The following ERCC6L variants were observed in gnomAD, a reference collection of about 807,000 sequenced individuals.
ERCC6L encodes the protein ERCC excision repair 6 like, spindle assembly checkpoint helicase.
Under a neutral mutation model 20.1 loss-of-function variants are expected in ERCC6L, and 7 were observed. That is an observed-to-expected ratio of 0.35 (90% confidence interval 0.20 to 0.65). The LOEUF is 0.65. Among genes scored for constraint, ERCC6L ranks in the 30% least tolerant of loss-of-function variants. The probability of loss-of-function intolerance (pLI) is 0.69; values close to 1 mark genes in which losing one functional copy is unlikely to be tolerated. For synonymous variants in ERCC6L, 278 were observed against 331.3 expected (o/e 0.84, Z 1.75); for missense variants, 592 against 892.4 (o/e 0.66, Z 4.29).
At position 72,206,059 on chromosome X, in the gene ERCC6L, T is replaced by C; in HGVS notation, c.2708A>G (p.Asn903Ser). 1 of 1,211,394 alleles carries C rather than the reference T, an allele frequency of 8.3e-7. No homozygotes were observed. Residue 903 changes from asparagine to serine, a missense_variant, in exon 2 of 2, where the codon AAT becomes AGT. This residue lies in a region of ERCC6L where 352 missense variants were observed against 402.6 expected (regional missense o/e 0.87). Coordinates refer to ENST00000334463, the MANE Select transcript of ERCC6L (RefSeq NM_017669.4). ...CNPWPIISIT[N>S]ESQNAESNVS... ...ATTTGATTCTGCATTTTGACTTTCA[T>C]TTGTTATGGAAATAATGGGCCAAGG...
chrX:72,210,566 C>G (rs2042848354), intron 1 of ERCC6L, among the ~76,000 whole-genome samples: 1 of 111,540 alleles, frequency 9.0e-6, no homozygotes, highest in Non-Finnish European at 1.9e-5. Context: ...CCTATGAAAC[C>G]TGGGGTTCTG....
In ERCC6L at chrX:72,205,258, T is replaced by G; in HGVS notation, c.3509A>C (p.Gln1170Pro). Residue 1170 changes from glutamine (Q) to proline (P), a missense_variant, in exon 2 of 2, where the codon CAA becomes CCA. Gln to Pro is a moderately conservative substitution (Grantham distance 76). Around this residue, in one of 3 missense-constraint regions of ERCC6L, gnomAD observed 352 missense variants for 402.6 expected, o/e 0.87. Coordinates refer to ENST00000334463, the MANE Select transcript of ERCC6L (RefSeq NM_017669.4). ...CTCAGGGGCACCAAGAGAGGTCTCT[T>G]GAGCTAGAGCACTAGGCTTAGACGT... is the stretch of plus-strand genomic sequence containing the variant. ...LMTSKPSALAQETSLGAPEPL... is the reference protein window; with the variant it reads ...LMTSKPSALAPETSLGAPEPL... 1 of 1,212,011 alleles carries G rather than the reference T, an allele frequency of 8.3e-7. No homozygotes were observed.
At chrX:72,238,804 C>T (rs780450392) in intron 1 of ERCC6L, 40 bp downstream of exon 1, 2 of 1,147,340 alleles carry the variant, frequency 1.7e-6, no homozygotes, top group Admixed American at 2.5e-5. Context: ...CACCCTGGGC[C>T]AGGTCGGTTA....
At position 72,208,559 on chromosome X, in the gene ERCC6L, A is replaced by G. The variant is rs146213399; in HGVS notation, c.208T>C (p.Leu70=). The G allele has an allele frequency of 8.3e-7, 1 of 1,209,800 alleles. No individual in the cohort carries two copies. The highest frequency in any genetic ancestry group is 1.8e-5 in the South Asian group (1 of 56,839). ...AATTCATCATCTCCCTGTTCTGCCAACTCCTCCAAGGCTTCCTGTATTTTT... is the reference window on the plus strand; with the variant it reads ...AATTCATCATCTCCCTGTTCTGCCAGCTCCTCCAAGGCTTCCTGTATTTTT... ...IQKIQEALEE[L]AEQGDDEFTD... The change falls in exon 2 of 2, where the codon TTG becomes CTG. Residue 70 remains leucine, a synonymous_variant. Coordinates refer to ENST00000334463, the MANE Select transcript of ERCC6L (RefSeq NM_017669.4).
intron 1 of ERCC6L, among the ~76,000 whole-genome samples, chrX:72,219,618 C>T (rs770598151): frequency 3.6e-5 from 4 of 110,002 alleles, no homozygotes; most frequent in Admixed American, 2.9e-4. Context: ...GAGGCCAAGG[C>T]GGGCAGATCA....
At chrX:72,229,934 T>C (rs951688708) in intron 1 of ERCC6L, among the ~76,000 whole-genome samples, 6 of 111,553 alleles carry the variant, frequency 5.4e-5, no homozygotes, top group African/African-American at 2.0e-4. Flanking sequence ...GGCTCACGCC[T>C]GTAATCCCAG....
In ERCC6L at chrX:72,205,705, C is replaced by T. The variant is rs1029564947; in HGVS notation, c.3062G>A (p.Ser1021Asn). 1 of 1,210,324 alleles carries T rather than the reference C, an allele frequency of 8.3e-7. No homozygotes were observed. The highest frequency in any genetic ancestry group is 1.7e-5 in the African/African-American group (1 of 57,407). Residue 1021 changes from serine to asparagine, a missense_variant, in exon 2 of 2, where the codon AGT (serine) becomes AAT (asparagine). Coordinates refer to ENST00000334463, the MANE Select transcript of ERCC6L (RefSeq NM_017669.4). ...ATCTGAAACAATCCTTCTAGCTTTA[C>T]TTCTGATTTTTGCTTTAACTACTAC... is the stretch of plus-strand genomic sequence containing the variant. ...EEVVVKAKIR[S>N]KARRIVSDGE...
intron 1 of ERCC6L, among the ~76,000 whole-genome samples, chrX:72,211,682 G>A (rs2042854942): frequency 9.0e-6 from 1 of 110,965 alleles, no homozygotes; most frequent in Non-Finnish European, 1.9e-5. Flanking sequence ...TATTCAGGAG[G>A]CTGAGGCAAG....
At chrX:72,212,809 G>GTGGC (rs1399996837) in intron 1 of ERCC6L, among the ~76,000 whole-genome samples, 1 of 111,312 alleles carries the variant, frequency 9.0e-6, no homozygotes, top group Non-Finnish European at 1.9e-5. Flanking sequence ...GCCGGGTTTG[G>GTGGC]TGGCATGCGC....
chrX:72,206,066 T>A lies in ERCC6L; in HGVS notation c.2701A>T (p.Ile901Leu), dbSNP rs1174001109. Residue 901 changes from isoleucine to leucine, a missense_variant, in exon 2 of 2, where the codon ATA (isoleucine) becomes TTA (leucine). By Grantham distance (5) the Ile-to-Leu change is conservative (BLOSUM62 2). This residue lies in a region of ERCC6L where 352 missense variants were observed against 402.6 expected (regional missense o/e 0.87). Transcript: ENST00000334463. ...TCTGCATTTTGACTTTCATTTGTTA[T>A]GGAAATAATGGGCCAAGGATTGCAA... The part of the protein sequence containing the change: ...RHCNPWPIIS[I>L]TNESQNAESN... 8.3e-7 allele frequency: 1 copy of A among 1,209,490 alleles called. No homozygotes were observed. The highest frequency in any genetic ancestry group is 1.1e-6 in the Non-Finnish European group (1 of 894,772).
rs766957250 is a variant in ERCC6L at position 72,226,141 on chromosome X, C to T, written c.68+12703G>A. Among the ~76,000 whole-genome samples the T allele has an allele frequency of 3.6e-5, 4 of 111,838 alleles. No individual in the cohort carries two copies. In the Admixed American group the frequency reaches 3.8e-4, roughly 11 times the overall value. On this transcript the variant is annotated intron_variant, in intron 1 of 1. Transcript: ENST00000334463. ...CATAGATGCTCCCCCCTTAATCCTG[C>T]CACTCTTTTGCCTTCAGGACCAATT...
chrX:72,220,509 A>C (rs1222948686), intron 1 of ERCC6L, among the ~76,000 whole-genome samples: 2 of 111,437 alleles, frequency 1.8e-5, no homozygotes, highest in African/African-American at 6.5e-5. Context: ...ATAAACCACA[A>C]TTAACATCTC....
rs775667202 is a variant in ERCC6L, at chrX:72,205,991, T to G, written c.2776A>C (p.Ser926Arg). 1.7e-6 allele frequency: 2 copies of G among 1,211,832 alleles called. No individual in the cohort carries two copies. Among genetic ancestry groups the G allele is most frequent in the East Asian group, 3.0e-5 (1 of 33,844 alleles). The change falls in exon 2 of 2, where the codon AGT (serine) becomes CGT (arginine). Residue 926 changes from serine to arginine, a missense_variant. This residue lies in a region of ERCC6L where 352 missense variants were observed against 402.6 expected (regional missense o/e 0.87). Coordinates refer to ENST00000334463, the MANE Select transcript of ERCC6L (RefSeq NM_017669.4). ...CTTGCTTGAGCATCCTGCAGTGCAC[T>G]ATGGGATGCTGAAAGGTCATCAGCT... is the stretch of plus-strand genomic sequence containing the variant. The part of the protein sequence containing the change: ...EIADDLSASH[S>R]ALQDAQASEA...
In ERCC6L at chrX:72,206,693, C is replaced by G; in HGVS notation, c.2074G>C (p.Glu692Gln). 11 of 1,211,334 alleles carry G rather than the reference C, an allele frequency of 9.1e-6. No homozygotes were observed. The highest frequency in any genetic ancestry group is 1.2e-5 in the Non-Finnish European group (11 of 895,292). The change falls in exon 2 of 2, where the codon GAA becomes CAA. Residue 692 changes from glutamate to glutamine, a missense_variant. Physicochemically the swap from Glu to Gln is conservative, Grantham distance 29. This residue lies in a region of ERCC6L where 352 missense variants were observed against 402.6 expected (regional missense o/e 0.87). Transcript: ENST00000334463. Reference protein sequence around the residue: ...LSVKEELDVVEESHYIQQRVQ... With the variant: ...LSVKEELDVVQESHYIQQRVQ... ...CTTTGTTGAATATAGTGAGATTCTT[C>G]TACCACATCAAGCTCTTCTTTAACA...
At chrX:72,212,757 A>C (rs1215264965) in intron 1 of ERCC6L, among the ~76,000 whole-genome samples, 1 of 111,920 alleles carries the variant, frequency 8.9e-6, no homozygotes, top group Non-Finnish European at 1.9e-5. Context: ...CCTGGGCAAC[A>C]TAGTGAAGCC....
At chrX:72,217,881 T>C (rs1188777926) in intron 1 of ERCC6L, among the ~76,000 whole-genome samples, 2 of 112,164 alleles carry the variant, frequency 1.8e-5, no homozygotes, top group African/African-American at 6.5e-5. Flanking sequence ...CTTATGCAAG[T>C]ACCACACTGT....
At chrX:72,231,994 G>A (rs758626672) in intron 1 of ERCC6L, among the ~76,000 whole-genome samples, 94 of 107,409 alleles carry the variant, frequency 8.8e-4, no homozygotes, top group Non-Finnish European at 1.6e-3. Flanking sequence ...CAGAAAGATC[G>A]TTTGAGTCCA....
At position 72,206,069 on chromosome X, in the gene ERCC6L, A is replaced by G; in HGVS notation, c.2698T>C (p.Ser900Pro). Residue 900 changes from serine (S) to proline (P), a missense_variant, in exon 2 of 2, where the codon TCC becomes CCC. Around this residue, in one of 3 missense-constraint regions of ERCC6L, gnomAD observed 352 missense variants for 402.6 expected, o/e 0.87. Coordinates refer to ENST00000334463, the MANE Select transcript of ERCC6L (RefSeq NM_017669.4). ...GCATTTTGACTTTCATTTGTTATGG[A>G]AATAATGGGCCAAGGATTGCAATGA... ...LRHCNPWPII[S>P]ITNESQNAES... The G allele has an allele frequency of 3.3e-6, 4 of 1,211,027 alleles. No individual in the cohort carries two copies. Among genetic ancestry groups the G allele is most frequent in the Non-Finnish European group, 4.5e-6 (4 of 895,086 alleles).
In ERCC6L at chrX:72,206,254, G is replaced by C; in HGVS notation, c.2513C>G (p.Thr838Ser). The stretch of plus-strand genomic sequence containing the variant: ...CTCTTTTTGTACAGCTTCATTTTTA[G>C]TTGCAAAGCTTTTTTCCATTCCCAA... ...SSLGMEKSFA[T>S]KNEAVQKETL... The change falls in exon 2 of 2, where the codon ACT becomes AGT. Residue 838 changes from threonine to serine, a missense_variant. By Grantham distance (58) the Thr-to-Ser change is moderately conservative (BLOSUM62 1). Transcript: ENST00000334463. The C allele has an allele frequency of 8.3e-7, 1 of 1,208,172 alleles. No individual in the cohort carries two copies.
Sources: allele counts gnomAD v4.1 joint callset (sites outside exome capture counted in the v4.1 genomes callset), GRCh38; gene constraint gnomAD v4.1.1; regional missense constraint gnomAD v4.1.1; transcripts MANE v1.5; gene names NCBI Gene and HGNC (gene_info 2026-07-23, HGNC 2026-07-21).